Variants in MARCHF1 observed in about 807,000 individuals in gnomAD.
The protein encoded by MARCHF1 is membrane associated ring-CH-type finger 1.
A neutral mutation model predicts 54.2 loss-of-function variants in MARCHF1; 40 were observed. The observed-to-expected ratio is 0.74, with a 90% confidence interval of 0.57 to 0.96. The LOEUF is 0.96. Ranked by LOEUF, MARCHF1 falls within the 40% of genes least tolerant of loss-of-function variation. The pLI is 0.00. For missense variants in MARCHF1, 586 were observed against 656.5 expected (o/e 0.89, Z 1.17); for synonymous variants, 236 against 236.3 (o/e 1.00, Z 0.01).
chr4:163,910,744 A>C (rs1028030543), intron 3 of MARCHF1, among the ~76,000 whole-genome samples: 1 of 152,102 alleles, frequency 6.6e-6, no homozygotes, highest in South Asian at 2.1e-4. Flanking sequence ...TGATCCACGC[A>C]CCTTGACCTC....
rs78695518 is a variant in MARCHF1 at position 164,347,964 on chromosome 4, T to C, written c.-323+35906A>G. Among the ~76,000 whole-genome samples the C allele has an allele frequency of 2.5e-3, 379 of 152,328 alleles. 1 individual carries two copies. Among genetic ancestry groups the C allele is most frequent in the African/African-American group, 7.5e-3 (312 of 41,574 alleles). ...GTATCAGTACTTAGCATTTAAGAAG[T>C]TGACCTTTTCCTAATCCTATCAGAC... On this transcript the variant is annotated intron_variant, in intron 1 of 9. Transcript: ENST00000514618.
At position 163,612,782 on chromosome 4, in the gene MARCHF1, C is replaced by T. The variant is rs1486295350; in HGVS notation, c.499G>A (p.Glu167Lys). 1.3e-6 allele frequency: 2 copies of T among 1,535,434 alleles called. No homozygotes were observed. Among genetic ancestry groups the T allele is most frequent in the East Asian group, 2.4e-5 (1 of 40,886 alleles). The change falls in exon 7 of 10, where the codon GAG becomes AAG. Residue 167 changes from glutamate (E) to lysine (K), a missense_variant. This residue lies in a region of MARCHF1 where 387 missense variants were observed against 394.6 expected (regional missense o/e 0.98). Coordinates refer to ENST00000514618, the MANE Select transcript of MARCHF1 (RefSeq NM_001394959.1). ...TDSSDSSSTD[E>K]SHWIQAKRRA... ...CTTTTTGCCTGAATCCAATGACTCT[C>T]ATCTGTGGAAGATGAATCTGAAGAA...
At chr4:164,296,677 T>G (rs1734420210) in intron 1 of MARCHF1, among the ~76,000 whole-genome samples, 1 of 152,146 alleles carries the variant, frequency 6.6e-6, no homozygotes, top group South Asian at 2.1e-4. Context: ...GCCCAAACTC[T>G]TTAATTTAAT....
intron 4 of MARCHF1, among the ~76,000 whole-genome samples, chr4:163,832,706 A>G (rs1749063432): frequency 6.6e-6 from 1 of 150,828 alleles, no homozygotes; most frequent in South Asian, 2.1e-4. Context: ...GTCATTTAGC[A>G]TTAGGTATAT....
chr4:164,071,750 T>C (rs147376636), intron 2 of MARCHF1, among the ~76,000 whole-genome samples: 55 of 152,296 alleles, frequency 3.6e-4, no homozygotes, highest in African/African-American at 1.3e-3. Flanking sequence ...ACTTTGCTTT[T>C]AAAATTTCTC....
intron 1 of MARCHF1, among the ~76,000 whole-genome samples, chr4:164,341,577 G>T (rs1272921965): frequency 6.6e-6 from 1 of 152,170 alleles, no homozygotes; most frequent in African/African-American, 2.4e-5. Flanking sequence ...CCAAGATCAA[G>T]GCAGATTTTT....
At chr4:164,022,546 C>A (rs1753687663) in intron 2 of MARCHF1, among the ~76,000 whole-genome samples, 1 of 152,126 alleles carries the variant, frequency 6.6e-6, no homozygotes, top group African/African-American at 2.4e-5. Flanking sequence ...TGCCACAGAC[C>A]TCTGGGATCC....
At chr4:164,176,259 T>A (rs1029817559) in intron 1 of MARCHF1, among the ~76,000 whole-genome samples, 1 of 152,176 alleles carries the variant, frequency 6.6e-6, no homozygotes, top group Non-Finnish European at 1.5e-5. Flanking sequence ...ACAGATGTAA[T>A]CATTTTATAC....
intron 2 of MARCHF1, among the ~76,000 whole-genome samples, chr4:164,017,295 A>G (rs1421876928): frequency 6.6e-6 from 1 of 152,096 alleles, no homozygotes; most frequent in African/African-American, 2.4e-5. Flanking sequence ...TTAATATTGA[A>G]TTAGGGTTCT....
At chr4:163,783,327 T>A (rs559766852) in intron 4 of MARCHF1, among the ~76,000 whole-genome samples, 1 of 152,332 alleles carries the variant, frequency 6.6e-6, no homozygotes, top group South Asian at 2.1e-4. Context: ...GAACCTATCC[T>A]GACTAGCTTA....
At chr4:164,357,770 A>G (rs1463239791) in intron 1 of MARCHF1, among the ~76,000 whole-genome samples, 1 of 152,162 alleles carries the variant, frequency 6.6e-6, no homozygotes, top group Non-Finnish European at 1.5e-5. Context: ...ATAACAACTA[A>G]AACAGCTTCT....
chr4:164,113,518 C>T (rs1755879000), intron 1 of MARCHF1, among the ~76,000 whole-genome samples: 1 of 151,898 alleles, frequency 6.6e-6, no homozygotes, highest in African/African-American at 2.4e-5. Flanking sequence ...ATTTATGTAT[C>T]TGGGGAAAGG....
At chr4:164,060,778 G>A (rs1754598418) in intron 2 of MARCHF1, among the ~76,000 whole-genome samples, 2 of 152,086 alleles carry the variant, frequency 1.3e-5, no homozygotes, top group South Asian at 4.1e-4. Context: ...ATTAAACAAA[G>A]ATTAAATGGA....
chr4:164,288,323 T>A (rs1734201199), intron 1 of MARCHF1, among the ~76,000 whole-genome samples: 1 of 152,066 alleles, frequency 6.6e-6, no homozygotes, highest in Non-Finnish European at 1.5e-5. Flanking sequence ...ATATTCTTAT[T>A]AAGGGTTAGA....
At chr4:163,909,796 A>T (rs1197685967) in intron 3 of MARCHF1, among the ~76,000 whole-genome samples, 3 of 152,204 alleles carry the variant, frequency 2.0e-5, no homozygotes, top group Non-Finnish European at 4.4e-5. Flanking sequence ...ATTAGAAAAC[A>T]ATCAGGCTAT....
At chr4:164,200,672 A>T (rs1731427581) in intron 1 of MARCHF1, among the ~76,000 whole-genome samples, 1 of 152,262 alleles carries the variant, frequency 6.6e-6, no homozygotes, top group South Asian at 2.1e-4. Flanking sequence ...CATTAAGTTT[A>T]TAACAGTAAA....
chr4:164,133,698 CA>C (rs1407743079), intron 1 of MARCHF1, among the ~76,000 whole-genome samples: 3 of 151,986 alleles, frequency 2.0e-5, no homozygotes, highest in Middle Eastern at 6.8e-3. Context: ...AAACATAGCC[CA>C]AAAAAAGAAC....
At chr4:163,898,580 T>C (rs1750868338) in intron 3 of MARCHF1, among the ~76,000 whole-genome samples, 1 of 152,232 alleles carries the variant, frequency 6.6e-6, no homozygotes, top group African/African-American at 2.4e-5. Context: ...TAAATACTGT[T>C]GGTGCGAGTG....
intron 2 of MARCHF1, among the ~76,000 whole-genome samples, chr4:164,007,910 G>T (rs1438190239): frequency 6.6e-6 from 1 of 152,040 alleles, no homozygotes; most frequent in African/African-American, 2.4e-5. Context: ...AGGAAGAAAA[G>T]GAGAGTCTCA....
Sources: allele counts gnomAD v4.1 joint callset (sites outside exome capture counted in the v4.1 genomes callset), GRCh38; gene constraint gnomAD v4.1.1; regional missense constraint gnomAD v4.1.1; transcripts MANE v1.5; gene names NCBI Gene and HGNC (gene_info 2026-07-23, HGNC 2026-07-21).